Variants in ABCB5 observed in about 807,000 individuals in gnomAD.
ABCB5 encodes ATP binding cassette subfamily B member 5.
ABCB5 carries 155 observed loss-of-function variants against 144.2 expected under a neutral mutation model. That is an observed-to-expected ratio of 1.08 (90% CI 0.94 to 1.23). The LOEUF is 1.23. Ranked by LOEUF, ABCB5 falls within the 50% of genes most tolerant of loss-of-function variation. ABCB5 has a pLI of 0.00. For synonymous variants in ABCB5, 610 were observed against 528.6 expected, an observed-to-expected ratio of 1.15 and a Z score of -2.11; for missense variants, 1,830 against 1,520.8, an observed-to-expected ratio of 1.20 and a Z score of -3.38.
At chr7:20,739,949 C>G (rs192351839) in intron 24 of ABCB5, among the ~76,000 whole-genome samples, 517 of 152,244 alleles carry the variant, frequency 3.4e-3, no homozygotes, top group African/African-American at 0.012. Context: ...TAGTCTTATA[C>G]AGCTGGGCGT....
At chr7:20,728,264 G>T (rs557947320) in intron 22 of ABCB5, 51 bp from the exon 23 acceptor site, 1 of 1,587,464 alleles carries the variant, frequency 6.3e-7, no homozygotes, top group African/African-American at 1.3e-5. Flanking sequence ...GTATTCAATT[G>T]ACCTTGCTAT....
intron 22 of ABCB5, 97 bp from the exon 23 acceptor site, chr7:20,728,218 A>T: frequency 7.2e-7 from 1 of 1,390,016 alleles, no homozygotes; most frequent in Non-Finnish European, 9.6e-7. Context: ...ACCAAATTAT[A>T]ACATTTCAAA....
intron 20 of ABCB5, among the ~76,000 whole-genome samples, chr7:20,714,950 T>C (rs570461835): frequency 6.6e-6 from 1 of 152,324 alleles, no homozygotes; most frequent in South Asian, 2.1e-4. Context: ...CTGTGAAGTA[T>C]TTCTACTTCT....
rs952832539 is a variant in ABCB5 at position 20,666,846 on chromosome 7, T to A, written c.1707+8170T>A. 43 of 1,455,584 alleles carry A rather than the reference T, an allele frequency of 3.0e-5. No individual in the cohort carries two copies. In the South Asian group the frequency reaches 6.3e-4, roughly 21 times the overall value. 90.2% of individuals were successfully genotyped at this position (1,455,584 alleles called of 1,614,324 possible). On this transcript the variant is annotated intron_variant, in intron 14 of 27. Coordinates refer to ENST00000404938, the MANE Select transcript of ABCB5 (RefSeq NM_001163941.2). ...AACCACAGTGGTATGAATTGCACTA[T>A]CTCCCTAATCTTTACACTAATTCTG... is the stretch of plus-strand genomic sequence containing the variant.
intron 14 of ABCB5, chr7:20,667,227 A>C: frequency 7.4e-6 from 7 of 948,572 alleles, no homozygotes; most frequent in Non-Finnish European, 8.8e-6. Flanking sequence ...ACCTTAATCA[A>C]ATATTTATAG....
At chr7:20,660,224 A>G in intron 14 of ABCB5, 5 of 985,262 alleles carry the variant, frequency 5.1e-6, no homozygotes, top group Non-Finnish European at 6.0e-6. Context: ...TTGTAAACTG[A>G]TTCCAAAATT....
chr7:20,658,568 C>G lies in ABCB5; in HGVS notation c.1599C>G (p.Ile533Met). Residue 533 changes from isoleucine to methionine, a missense_variant, in exon 14 of 28, where the codon ATC becomes ATG. Physicochemically the swap from Ile to Met is conservative, Grantham distance 10 (BLOSUM62 1). Transcript: ENST00000404938. ...AQMSGGQKQR[I>M]AIARALVRNP... ...TGAGTGGAGGGCAGAAACAGAGGAT[C>G]GCAATTGCTCGTGCCTTAGTTCGAA... 6.2e-7 allele frequency: 1 copy of G among 1,614,070 alleles called. No homozygotes were observed. The highest frequency in any genetic ancestry group is 1.7e-5 in the Admixed American group (1 of 60,008).
At position 20,699,814 on chromosome 7, in the gene ABCB5, T is replaced by C. The variant is rs1786551846; in HGVS notation, c.2155-11T>C. 1 of 1,556,312 alleles carries C rather than the reference T, an allele frequency of 6.4e-7. No homozygotes were observed. Among genetic ancestry groups the C allele is most frequent in the South Asian group, 1.2e-5 (1 of 84,858 alleles). On this transcript the variant is annotated splice_polypyrimidine_tract_variant and intron_variant, in intron 17 of 27. Transcript: ENST00000404938. Reference sequence around the variant, plus strand: ...CCCCCAAACACCTGATAAAAATCTGTTCCTTTTCAGATGTTTGGAAATAAT... The same window carrying C: ...CCCCCAAACACCTGATAAAAATCTGCTCCTTTTCAGATGTTTGGAAATAAT...
At chr7:20,698,354 G>A in intron 16 of ABCB5, 53 bp from the exon 17 acceptor site, 1 of 1,449,724 alleles carries the variant, frequency 6.9e-7, no homozygotes, top group Non-Finnish European at 9.3e-7. Flanking sequence ...AACTTCACTA[G>A]ATTCTGTTAT....
At chr7:20,656,912 CTTTTTTT>C (rs749816471) in intron 13 of ABCB5, among the ~76,000 whole-genome samples, 68 of 58,598 alleles carry the variant, frequency 1.2e-3, no homozygotes, top group Admixed American at 2.7e-3. Context: ...TTTCCTTTTT[CTTTTTTT>C]TTTTTTTTTT....
At chr7:20,669,323 G>A (rs1487583991) in intron 14 of ABCB5, among the ~76,000 whole-genome samples, 15 of 147,468 alleles carry the variant, frequency 1.0e-4, no homozygotes, top group African/African-American at 3.8e-4. Flanking sequence ...AAATCGGATG[G>A]TTGCCGGGTC....
At chr7:20,711,173 A>G (rs947410023) in intron 20 of ABCB5, among the ~76,000 whole-genome samples, 1 of 149,696 alleles carries the variant, frequency 6.7e-6, no homozygotes, top group Non-Finnish European at 1.5e-5. Flanking sequence ...CTTAACAATC[A>G]TCTTTTATTA....
At chr7:20,682,295 T>C (rs1785856580) in intron 15 of ABCB5, among the ~76,000 whole-genome samples, 1 of 152,214 alleles carries the variant, frequency 6.6e-6, no homozygotes, top group African/African-American at 2.4e-5. Context: ...ACACAGTCTT[T>C]ACTTAAAGAC....
Position 20,746,335 on chromosome 7 carries a change from G to A in ABCB5, c.3429+897G>A, listed in dbSNP as rs147806131. 9.8e-4 allele frequency among the ~76,000 whole-genome samples: 149 copies of A among 152,208 alleles called. 1 individual carries two copies. The highest frequency in any genetic ancestry group is 3.5e-3 in the African/African-American group (145 of 41,536). The stretch of plus-strand genomic sequence containing the variant: ...GCTGGTCTCAAACTCCCGACCTCAG[G>A]TGATCCACCGCCTTGGCCTCCCAAA... On this transcript the variant is annotated intron_variant, in intron 26 of 27. Coordinates refer to ENST00000404938, the MANE Select transcript of ABCB5 (RefSeq NM_001163941.2).
intron 19 of ABCB5, among the ~76,000 whole-genome samples, chr7:20,704,113 G>T (rs1251116831): frequency 4.1e-5 from 4 of 97,380 alleles, no homozygotes; most frequent in Non-Finnish European, 5.8e-5. Context: ...TCTCACTCTG[G>T]CATCCGAGCT....
chr7:20,707,947 G>C (rs1435590756), intron 20 of ABCB5, among the ~76,000 whole-genome samples: 1 of 151,696 alleles, frequency 6.6e-6, no homozygotes, highest in Non-Finnish European at 1.5e-5. Context: ...GGGACTACAG[G>C]TGCCTGCTAC....
At position 20,723,052 on chromosome 7, in the gene ABCB5, G is replaced by T. The variant is rs747525237; in HGVS notation, c.2458G>T (p.Ala820Ser). 2 of 1,613,974 alleles carry T rather than the reference G, an allele frequency of 1.2e-6. No homozygotes were observed. Among genetic ancestry groups the T allele is most frequent in the Non-Finnish European group, 1.7e-6 (2 of 1,180,026 alleles). The change falls in exon 21 of 28, where the codon GCA (alanine) becomes TCA (serine). Residue 820 changes from alanine (A) to serine (S), a missense_variant. By Grantham distance (99) the Ala-to-Ser change is moderately conservative. Transcript: ENST00000404938. ...CAGGATTGGCGTCTTAACACAAAAT[G>T]CAACTAACATGGGACTTTCAGTTAT... The part of the protein sequence containing the change: ...GSRIGVLTQN[A>S]TNMGLSVIIS...
intron 14 of ABCB5, among the ~76,000 whole-genome samples, chr7:20,665,315 AAAAAG>A (rs1320405539): frequency 1.3e-5 from 2 of 152,164 alleles, no homozygotes; most frequent in African/African-American, 4.8e-5. Context: ...CCCCTTGACA[AAAAAG>A]AAAGCATTCT....
chr7:20,746,355 C>T (rs1782722421), intron 26 of ABCB5, among the ~76,000 whole-genome samples: 1 of 152,230 alleles, frequency 6.6e-6, no homozygotes, highest in East Asian at 1.9e-4. Flanking sequence ...GCCTTGGCCT[C>T]CCAAAGTGCT....
Sources: allele counts gnomAD v4.1 joint callset (sites outside exome capture counted in the v4.1 genomes callset), GRCh38; gene constraint gnomAD v4.1.1; transcripts MANE v1.5; gene names NCBI Gene and HGNC (gene_info 2026-07-23, HGNC 2026-07-21).